TET1: variants seen among roughly 807,000 people sequenced by gnomAD.
TET1 encodes methylcytosine dioxygenase TET1.
Under a neutral mutation model 148.7 loss-of-function variants are expected in TET1, and 13 were observed. That is an observed-to-expected ratio of 0.09 (90% CI 0.06 to 0.14). The LOEUF (loss-of-function observed/expected upper bound fraction) is 0.14. TET1 is among the 10% of genes least tolerant of loss of function. The pLI, the probability that TET1 is intolerant of heterozygous loss-of-function variation, is 1.00. For missense variants in TET1, 2,182 were observed against 2,553.8 expected (o/e 0.85, Z 3.14); for synonymous variants, 907 against 937.2 (o/e 0.97, Z 0.59).
chr10:68,572,454 C>T lies in TET1; in HGVS notation c.116C>T (p.Ala39Val), dbSNP rs1351945968. 2 of 1,614,108 alleles carry T rather than the reference C, an allele frequency of 1.2e-6. No individual in the cohort carries two copies. Among genetic ancestry groups the T allele is most frequent in the Admixed American group, 3.3e-5 (2 of 60,002 alleles). Residue 39 changes from alanine to valine, a missense_variant, in exon 2 of 12, where the codon GCA becomes GTA. By Grantham distance (64) the Ala-to-Val change is moderately conservative (BLOSUM62 0). This residue lies in a region of TET1 where 665 missense variants were observed against 672.4 expected (regional missense o/e 0.99). Transcript: ENST00000373644. ...KTTKGANKNV[A>V]SVKTLSPGKL... ...ACCAAGGGAGCCAACAAAAATGTGG[C>T]ATCAGTCAAGACTTTAAGCCCTGGA... is the stretch of plus-strand genomic sequence containing the variant.
At chr10:68,613,938 CAAA>C (rs56302094) in intron 3 of TET1, among the ~76,000 whole-genome samples, 9 of 118,702 alleles carry the variant, frequency 7.6e-5, no homozygotes, top group Admixed American at 2.6e-4. Context: ...GACTTCGTCT[CAAA>C]AAAAAAAAAA....
At chr10:68,654,897 T>C (rs2054999535) in intron 6 of TET1, among the ~76,000 whole-genome samples, 1 of 152,154 alleles carries the variant, frequency 6.6e-6, no homozygotes, top group East Asian at 1.9e-4. Context: ...ACTTCCAAGC[T>C]CCCTTACAGG....
intron 7 of TET1, among the ~76,000 whole-genome samples, chr10:68,669,251 A>C (rs4468238): frequency 6.6e-6 from 1 of 151,640 alleles, no homozygotes; most frequent in Non-Finnish European, 1.5e-5. Flanking sequence ...ACCACCCCCC[A>C]CAAAAAAAAA....
chr10:68,684,117 G>A (rs905550846), intron 10 of TET1, among the ~76,000 whole-genome samples: 1 of 152,156 alleles, frequency 6.6e-6, no homozygotes, highest in Non-Finnish European at 1.5e-5. Flanking sequence ...GGATGAGCAT[G>A]TTGGCTCATG....
intron 3 of TET1, among the ~76,000 whole-genome samples, chr10:68,614,770 A>C (rs1014739219): frequency 1.3e-4 from 19 of 151,400 alleles, no homozygotes; most frequent in Non-Finnish European, 2.4e-4. Context: ...AATTTTGTAT[A>C]TTTTATAGAG....
Position 68,682,986 on chromosome 10 carries a change from G to A in TET1, c.5052+13G>A. ...TGGAAGCACTGTGGTATGTACCTGT[G>A]TGAATTTGTATTCTAAAAGCTCCAT... On this transcript the variant is annotated intron_variant, in intron 10 of 11. Transcript: ENST00000373644. 1.2e-6 allele frequency: 2 copies of A among 1,611,508 alleles called. No homozygotes were observed. The highest frequency in any genetic ancestry group is 1.7e-6 in the Non-Finnish European group (2 of 1,179,500).
intron 3 of TET1, chr10:68,632,545 T>A: frequency 1.2e-6 from 2 of 1,610,680 alleles, no homozygotes; most frequent in Non-Finnish European, 1.7e-6. Context: ...TAGAAGATCA[T>A]GTGATGTTGG....
Position 68,646,941 on chromosome 10 carries a change from T to C in TET1, c.4212T>C (p.Thr1404=), listed in dbSNP as rs779270020. ...ATGATTATGCCATGAACTTCTTTAC[T>C]AACCCTACAAAAAACCTAGTGTCTA... ...NFNDYAMNFF[T]NPTKNLVSIT... The change falls in exon 4 of 12, where the codon ACT becomes ACC. Residue 1404 remains threonine (T), a synonymous_variant. Transcript: ENST00000373644. 4 of 1,614,152 alleles carry C rather than the reference T, an allele frequency of 2.5e-6. No individual in the cohort carries two copies. Among genetic ancestry groups the C allele is most frequent in the Non-Finnish European group, 3.4e-6 (4 of 1,180,004 alleles).
rs545937443 is a variant in TET1, at chr10:68,596,489, A to G, written c.1915-4492A>G. ...TTTTTTGTAGAGATGTGTCTCCGCT[A>G]TGTAGCTTAGGCTAGCCTTGAAATC... is the stretch of plus-strand genomic sequence containing the variant. On this transcript the variant is annotated intron_variant, in intron 2 of 11. Transcript: ENST00000373644. 3.3e-5 allele frequency among the ~76,000 whole-genome samples: 5 copies of G among 152,212 alleles called. No individual in the cohort carries two copies. The East Asian group carries it at 7.7e-4, about 24-fold the overall frequency.
chr10:68,649,334 G>T (rs2054896828), intron 4 of TET1, among the ~76,000 whole-genome samples: 2 of 152,122 alleles, frequency 1.3e-5, no homozygotes, highest in African/African-American at 4.8e-5. Context: ...TCGGCTGGGT[G>T]CAGTGGCTCA....
At chr10:68,632,465 A>G in intron 3 of TET1, 1 of 1,612,762 alleles carries the variant, frequency 6.2e-7, no homozygotes, top group Non-Finnish European at 8.5e-7. Context: ...TGCGCCCGGC[A>G]TTCAATATTG....
chr10:68,563,327 C>G, intron 1 of TET1, among the ~76,000 whole-genome samples: 1 of 152,212 alleles, frequency 6.6e-6, no homozygotes, highest in East Asian at 1.9e-4. Context: ...TGCCTGCCTG[C>G]TCTTCCTTTC....
At chr10:68,624,099 C>CTTTT (rs773374173) in intron 3 of TET1, among the ~76,000 whole-genome samples, 10,125 of 147,446 alleles carry the variant, frequency 0.069, 543 homozygotes, top group South Asian at 0.19. Context: ...TTCTTTCTTT[C>CTTTT]TTTTCTTTTT....
At chr10:68,630,196 G>T (rs750919622) in intron 3 of TET1, among the ~76,000 whole-genome samples, 9 of 152,176 alleles carry the variant, frequency 5.9e-5, no homozygotes, top group Admixed American at 2.6e-4. Context: ...GGCTGAATTT[G>T]GGTCTTGAAC....
rs566221093 is a variant in TET1, at chr10:68,648,911, T to A, written c.4276+1906T>A. On this transcript the variant is annotated intron_variant, in intron 4 of 11. Transcript: ENST00000373644. Reference sequence around the variant, plus strand: ...TACAGACATGAACCACCACACCAGCTAACACACAGTTTTGACAAACTGCAA... The same window carrying A: ...TACAGACATGAACCACCACACCAGCAAACACACAGTTTTGACAAACTGCAA... 2.0e-5 allele frequency among the ~76,000 whole-genome samples: 3 copies of A among 152,284 alleles called. No homozygotes were observed. In the East Asian group the frequency reaches 5.8e-4, roughly 29 times the overall value.
At chr10:68,577,830 A>G (rs1176165596) in intron 2 of TET1, among the ~76,000 whole-genome samples, 4 of 152,050 alleles carry the variant, frequency 2.6e-5, no homozygotes, top group African/African-American at 9.7e-5. Flanking sequence ...ACAAAAAAAC[A>G]TATCTGGGTA....
At chr10:68,649,433 C>T (rs752595802) in intron 4 of TET1, among the ~76,000 whole-genome samples, 5 of 151,944 alleles carry the variant, frequency 3.3e-5, no homozygotes, top group South Asian at 2.1e-4. Flanking sequence ...GGTGAAACCC[C>T]GTCTCTACTA....
chr10:68,580,486 T>C (rs962069374), intron 2 of TET1, among the ~76,000 whole-genome samples: 3 of 150,562 alleles, frequency 2.0e-5, no homozygotes, highest in African/African-American at 7.3e-5. Flanking sequence ...AACTTAAAAA[T>C]CTTTTGTAGA....
chr10:68,683,612 C>T (rs2055468793), intron 10 of TET1, among the ~76,000 whole-genome samples: 1 of 151,842 alleles, frequency 6.6e-6, no homozygotes, highest in African/African-American at 2.4e-5. Flanking sequence ...TGGGGTTTCA[C>T]CGTGTTAGCC....
Sources: gnomAD v4.1 joint callset for allele counts (sites outside exome capture counted in the v4.1 genomes callset) on GRCh38, gnomAD v4.1.1 for gene constraint, gnomAD v4.1.1 regional missense constraint, MANE v1.5 for transcripts, NCBI Gene and HGNC (gene_info 2026-07-23, HGNC 2026-07-21) for gene names.